Variants in PDE8B observed in about 807,000 individuals in gnomAD.
PDE8B encodes phosphodiesterase 8B.
In PDE8B, 26 loss-of-function variants were observed where a neutral mutation model predicts 101.3. The ratio of observed to expected loss-of-function variants is 0.26; its 90% CI spans 0.19 to 0.36. The LOEUF is 0.36. PDE8B is among the 10% of genes least tolerant of loss of function. The probability of loss-of-function intolerance (pLI) is 1.00; values close to 1 mark genes in which losing one functional copy is unlikely to be tolerated. For missense variants in PDE8B, 810 were observed against 1,163.1 expected (o/e 0.70, Z 4.42); for synonymous variants, 424 against 429.3 (o/e 0.99, Z 0.15).
intron 1 of PDE8B, among the ~76,000 whole-genome samples, chr5:77,255,621 G>A (rs558463881): frequency 7.9e-5 from 12 of 152,266 alleles, no homozygotes; most frequent in East Asian, 3.9e-4. Context: ...ACCTGCCTCC[G>A]TGTCTGCCTT....
chr5:77,341,056 A>C (rs972341084), intron 6 of PDE8B, among the ~76,000 whole-genome samples: 1 of 152,202 alleles, frequency 6.6e-6, no homozygotes, highest in African/African-American at 2.4e-5. Flanking sequence ...AAAGAGTTAT[A>C]TGGTTCCCAA....
chr5:77,207,078 C>T (rs1283189219), upstream of PDE8B, among the ~76,000 whole-genome samples: 1 of 152,170 alleles, frequency 6.6e-6, no homozygotes, highest in Admixed American at 6.5e-5. Context: ...TACTGGACTG[C>T]CTAATAAACG....
At chr5:77,263,703 T>G (rs538880000) in intron 1 of PDE8B, among the ~76,000 whole-genome samples, 52 of 152,212 alleles carry the variant, frequency 3.4e-4, no homozygotes, top group Non-Finnish European at 7.1e-4. Context: ...TGGTATTTGG[T>G]GCTATGTGGA....
intron 10 of PDE8B, among the ~76,000 whole-genome samples, chr5:77,375,720 G>A (rs62364320): frequency 1.3e-3 from 203 of 152,150 alleles, no homozygotes; most frequent in South Asian, 3.3e-3. Flanking sequence ...AGTAAGTGGC[G>A]CTCAGCGTGG....
intron 10 of PDE8B, among the ~76,000 whole-genome samples, chr5:77,382,398 C>G (rs981306915): frequency 6.6e-6 from 1 of 152,180 alleles, no homozygotes; most frequent in Non-Finnish European, 1.5e-5. Flanking sequence ...CAGCAAAATA[C>G]GTACATCTTA....
At chr5:77,225,186 GAGGTAC>G (rs1752066721) in intron 1 of PDE8B, among the ~76,000 whole-genome samples, 1 of 152,304 alleles carries the variant, frequency 6.6e-6, no homozygotes, top group East Asian at 1.9e-4. Context: ...TGGTTATCCT[GAGGTAC>G]AGTTCATATG....
At chr5:77,107,121 A>T in the PDE8B span, among the ~76,000 whole-genome samples, 1 of 151,770 alleles carries the variant, frequency 6.6e-6, no homozygotes, top group Non-Finnish European at 1.5e-5. Flanking sequence ...CTCATTGTTC[A>T]GTTCCTACCT....
chr5:77,213,252 A>G (rs913941144), intron 1 of PDE8B, among the ~76,000 whole-genome samples: 1 of 152,260 alleles, frequency 6.6e-6, no homozygotes, highest in Non-Finnish European at 1.5e-5. Flanking sequence ...AGATTCCCAA[A>G]TAAGAGCTTA....
chr5:77,419,404 G>A (rs912186886), intron 18 of PDE8B, among the ~76,000 whole-genome samples: 11 of 152,158 alleles, frequency 7.2e-5, no homozygotes, highest in African/African-American at 1.9e-4. Context: ...GAGTGCAGTG[G>A]GCCAGCTTAT....
At chr5:77,330,456 A>G (rs182102260) in intron 4 of PDE8B, among the ~76,000 whole-genome samples, 1 of 152,352 alleles carries the variant, frequency 6.6e-6, no homozygotes, top group Admixed American at 6.5e-5. Flanking sequence ...TATGTCACCC[A>G]CTTAAGAAAT....
At chr5:77,370,705 ATG>A (rs1480495265) in intron 10 of PDE8B, among the ~76,000 whole-genome samples, 1 of 152,198 alleles carries the variant, frequency 6.6e-6, no homozygotes. Context: ...CATGGATTAA[ATG>A]TGTGTTTACT....
At chr5:77,271,500 G>A (rs1762801086) in intron 1 of PDE8B, among the ~76,000 whole-genome samples, 1 of 152,210 alleles carries the variant, frequency 6.6e-6, no homozygotes. Flanking sequence ...GTTGAACTGT[G>A]GAATGAAGAA....
chr5:77,117,303 A>C, the PDE8B span, among the ~76,000 whole-genome samples: 1 of 151,824 alleles, frequency 6.6e-6, no homozygotes, highest in African/African-American at 2.4e-5. Context: ...ATATATATGC[A>C]TTTTTTTTCA....
intron 10 of PDE8B, among the ~76,000 whole-genome samples, chr5:77,378,091 T>C (rs1026328510): frequency 2.6e-5 from 4 of 151,640 alleles, no homozygotes; most frequent in Non-Finnish European, 5.9e-5. Context: ...ATATAGCAGG[T>C]GTTGGTCGCC....
chr5:77,177,036 T>C, the PDE8B span, among the ~76,000 whole-genome samples: 1 of 152,172 alleles, frequency 6.6e-6, no homozygotes, highest in South Asian at 2.1e-4. Context: ...CTCCTGTCCC[T>C]TCTCTTTCTT....
intron 12 of PDE8B, among the ~76,000 whole-genome samples, chr5:77,405,537 G>A (rs1193614546): frequency 6.6e-6 from 1 of 152,184 alleles, no homozygotes. Flanking sequence ...AGTGGTGACA[G>A]GTGAAGCCAG....
chr5:77,283,734 C>T (rs1434129686), intron 1 of PDE8B, among the ~76,000 whole-genome samples: 2 of 152,150 alleles, frequency 1.3e-5, no homozygotes, highest in African/African-American at 2.4e-5. Context: ...TATCCAGCCA[C>T]CTACTGAAAG....
intron 1 of PDE8B, among the ~76,000 whole-genome samples, chr5:77,234,499 C>T (rs184368362): frequency 3.3e-5 from 5 of 152,236 alleles, no homozygotes; most frequent in South Asian, 4.1e-4. Context: ...AGTCAAGACT[C>T]GCATGTTCAA....
chr5:77,093,700 G>A, the PDE8B span, among the ~76,000 whole-genome samples: 310 of 152,290 alleles, frequency 2.0e-3, 1 homozygote, highest in Middle Eastern at 0.017. Context: ...CCTTCAGCAA[G>A]GCACCTTGTA....
Sources: gnomAD v4.1 joint callset for allele counts (sites outside exome capture counted in the v4.1 genomes callset) on GRCh38, gnomAD v4.1.1 for gene constraint, MANE v1.5 for transcripts, NCBI Gene and HGNC (gene_info 2026-07-23, HGNC 2026-07-21) for gene names.